Variants in RNF13 observed in about 807,000 individuals in gnomAD.
The protein encoded by RNF13 is ring finger protein 13.
RNF13 carries 19 observed loss-of-function variants against 37.7 expected under a neutral mutation model. The observed-to-expected ratio is 0.50, with a 90% CI of 0.35 to 0.74. The LOEUF (loss-of-function observed/expected upper bound fraction) is 0.74. Among genes scored for constraint, RNF13 ranks in the 30% least tolerant of loss-of-function variants. RNF13 has a pLI of 0.01. For missense variants in RNF13, 375 were observed against 453.0 expected (o/e 0.83, Z 1.56); for synonymous variants, 144 against 157.8 (o/e 0.91, Z 0.65).
At chr3:149,908,320 G>A (rs943271017) in intron 6 of RNF13, among the ~76,000 whole-genome samples, 4 of 152,082 alleles carry the variant, frequency 2.6e-5, no homozygotes, top group Admixed American at 2.6e-4. Flanking sequence ...AATCTTCATG[G>A]ACATATTTTC....
At chr3:149,934,179 A>G (rs761109364) in intron 8 of RNF13, among the ~76,000 whole-genome samples, 3 of 152,184 alleles carry the variant, frequency 2.0e-5, no homozygotes, top group Non-Finnish European at 4.4e-5. Flanking sequence ...AATTATTCAT[A>G]AAATCTCTGA....
intron 1 of RNF13, among the ~76,000 whole-genome samples, chr3:149,831,392 A>G (rs1272811959): frequency 1.3e-5 from 2 of 152,206 alleles, no homozygotes; most frequent in African/African-American, 4.8e-5. Flanking sequence ...CTTCCTCAGC[A>G]TGAGCTGGAT....
At chr3:149,866,530 G>T (rs1711496982) in intron 3 of RNF13, among the ~76,000 whole-genome samples, 1 of 152,190 alleles carries the variant, frequency 6.6e-6, no homozygotes, top group Non-Finnish European at 1.5e-5. Context: ...TATGACCTGT[G>T]TCTAGTGCTG....
rs557524856 is a variant in RNF13, at chr3:149,934,641, A to G, written c.700+13414A>G. On this transcript the variant is annotated intron_variant, in intron 8 of 9. Coordinates refer to ENST00000392894, the MANE Select transcript of RNF13 (RefSeq NM_183381.3). The stretch of plus-strand genomic sequence containing the variant: ...CATGTTGTTTAATTTTCACATATTT[A>G]TAGTTTTCAAAGTTCCTTTTTTTTT... Among the ~76,000 whole-genome samples, 6 of 148,492 alleles carry G rather than the reference A, an allele frequency of 4.0e-5. No individual in the cohort carries two copies. The East Asian group carries it at 5.9e-4, about 14-fold the overall frequency.
chr3:149,880,622 G>A (rs368835025), intron 4 of RNF13, among the ~76,000 whole-genome samples: 20 of 152,130 alleles, frequency 1.3e-4, no homozygotes, highest in East Asian at 7.7e-4. Context: ...AAAAAAAGAC[G>A]AATGTAATTT....
chr3:149,873,333 G>A (rs1712304687), intron 4 of RNF13, among the ~76,000 whole-genome samples: 1 of 152,188 alleles, frequency 6.6e-6, no homozygotes, highest in African/African-American at 2.4e-5. Context: ...AGGGATGGCA[G>A]ATGGTACACT....
At chr3:149,947,940 C>A (rs1198868365) in intron 8 of RNF13, among the ~76,000 whole-genome samples, 1 of 151,888 alleles carries the variant, frequency 6.6e-6, no homozygotes, top group African/African-American at 2.4e-5. Flanking sequence ...TCACTTTTAG[C>A]CTATGTGTGC....
At chr3:149,829,509 G>C (rs1407334002) in intron 1 of RNF13, among the ~76,000 whole-genome samples, 2 of 152,098 alleles carry the variant, frequency 1.3e-5, no homozygotes, top group African/African-American at 4.8e-5. Context: ...AAAAAATTTT[G>C]CTTTGGTTGA....
intron 6 of RNF13, among the ~76,000 whole-genome samples, chr3:149,905,180 T>A (rs1716263488): frequency 6.6e-6 from 1 of 152,196 alleles, no homozygotes; most frequent in Non-Finnish European, 1.5e-5. Context: ...TATTGTCAAT[T>A]CCCATCCGTA....
intron 6 of RNF13, among the ~76,000 whole-genome samples, chr3:149,904,969 T>A (rs1716244215): frequency 6.6e-6 from 1 of 152,178 alleles, no homozygotes; most frequent in Non-Finnish European, 1.5e-5. Flanking sequence ...ACTCTTATTT[T>A]GTGGATGTTC....
chr3:149,876,305 G>A (rs1210444365), intron 4 of RNF13, among the ~76,000 whole-genome samples: 1 of 152,194 alleles, frequency 6.6e-6, no homozygotes, highest in Non-Finnish European at 1.5e-5. Context: ...TTTGAAAAAT[G>A]CAGCTGCAAA....
chr3:149,900,913 G>A (rs1715763697), intron 5 of RNF13, among the ~76,000 whole-genome samples: 1 of 151,816 alleles, frequency 6.6e-6, no homozygotes, highest in African/African-American at 2.4e-5. Context: ...AAACAATCTA[G>A]AAGTGAAAAA....
intron 3 of RNF13, among the ~76,000 whole-genome samples, chr3:149,870,317 T>C (rs570444976): frequency 2.0e-5 from 3 of 151,704 alleles, no homozygotes; most frequent in African/African-American, 4.8e-5. Context: ...AGGGGCATAG[T>C]AGATGTGGAA....
chr3:149,871,366 A>G (rs984410719), intron 3 of RNF13, among the ~76,000 whole-genome samples: 2 of 149,624 alleles, frequency 1.3e-5, no homozygotes, highest in African/African-American at 4.9e-5. Flanking sequence ...CTTATGTCAA[A>G]CCATCCTGCA....
intron 6 of RNF13, among the ~76,000 whole-genome samples, chr3:149,906,954 T>G (rs1716479991): frequency 6.6e-6 from 1 of 152,120 alleles, no homozygotes. Context: ...GCGAATTCTG[T>G]TTTTATGTAT....
chr3:149,953,876 T>C (rs534084858), intron 8 of RNF13, among the ~76,000 whole-genome samples: 6 of 152,350 alleles, frequency 3.9e-5, no homozygotes, highest in African/African-American at 1.2e-4. Flanking sequence ...GCTTGGCACA[T>C]AGAACTCAAC....
chr3:149,904,380 C>CATT (rs1236218009), intron 6 of RNF13, among the ~76,000 whole-genome samples: 7 of 151,708 alleles, frequency 4.6e-5, no homozygotes, highest in Middle Eastern at 3.5e-3. Flanking sequence ...AAATTATTAT[C>CATT]ATTATTATTA....
At chr3:149,893,812 T>C (rs1164636305) in intron 4 of RNF13, 1 of 152,224 alleles carries the variant, frequency 6.6e-6, no homozygotes, top group East Asian at 1.9e-4. Context: ...CTTACTTTTT[T>C]GATTATTGAC....
chr3:149,916,595 TTC>T (rs1164436128), intron 7 of RNF13, among the ~76,000 whole-genome samples: 1 of 152,186 alleles, frequency 6.6e-6, no homozygotes, highest in South Asian at 2.1e-4. Flanking sequence ...TCTTATCATT[TTC>T]TTTCTTCTAC....
Sources: allele counts gnomAD v4.1 joint callset (sites outside exome capture counted in the v4.1 genomes callset), GRCh38; gene constraint gnomAD v4.1.1; transcripts MANE v1.5; gene names NCBI Gene and HGNC (gene_info 2026-07-23, HGNC 2026-07-21).